BTBD6: variants seen among roughly 807,000 people sequenced by gnomAD.
The protein encoded by BTBD6 is BTB domain containing 6.
Under a neutral mutation model 40.6 loss-of-function variants are expected in BTBD6, and 30 were observed. The ratio of observed to expected loss-of-function variants is 0.74; its 90% confidence interval spans 0.55 to 1.00. The LOEUF (loss-of-function observed/expected upper bound fraction) is 1.00. Among genes scored for constraint, BTBD6 ranks in the 50% least tolerant of loss-of-function variants. The pLI, the probability that BTBD6 is intolerant of heterozygous loss-of-function variation, is 0.00. For missense variants in BTBD6, 698 were observed against 694.6 expected (o/e 1.00, Z -0.06); for synonymous variants, 378 against 308.7 (o/e 1.22, Z -2.35).
chr14:105,249,219 G>A lies in BTBD6; in HGVS notation c.437G>A (p.Gly146Glu), dbSNP rs587673895. The A allele has an allele frequency of 3.8e-6, 6 of 1,587,696 alleles. No homozygotes were observed. The African/African-American group carries it at 8.0e-5, about 21-fold the overall frequency. ...ADVHFVVGPPGATRTVPAHKY... is the reference protein window; with the variant it reads ...ADVHFVVGPPEATRTVPAHKY... Reference sequence around the variant, plus strand: ...GTGCACTTCGTCGTGGGGCCCCCGGGGGCGACCAGGACGGTGCCCGCCCAC... The same window carrying A: ...GTGCACTTCGTCGTGGGGCCCCCGGAGGCGACCAGGACGGTGCCCGCCCAC... Residue 146 changes from glycine (G) to glutamate (E), a missense_variant, in exon 2 of 4, where the codon GGG (glycine) becomes GAG (glutamate). Physicochemically the swap from Gly to Glu is moderately conservative, Grantham distance 98. Coordinates refer to ENST00000392554, the MANE Select transcript of BTBD6 (RefSeq NM_001387567.1).
rs1482322546 is a variant in BTBD6, at chr14:105,249,661, C to A, written c.606C>A (p.Ile202=). Residue 202 remains isoleucine, a synonymous_variant, in exon 4 of 4, where the codon ATC becomes ATA. Coordinates refer to ENST00000392554, the MANE Select transcript of BTBD6 (RefSeq NM_001387567.1). ...CTAGGTACATGTACAGTGATGAGATCGATCTGGAAGCCGACACGGTGCTGG... is the reference window on the plus strand; with the variant it reads ...CTAGGTACATGTACAGTGATGAGATAGATCTGGAAGCCGACACGGTGCTGG... ...ILLKYMYSDE[I]DLEADTVLAT... is the part of the protein sequence containing the mutation. The A allele has an allele frequency of 6.2e-7, 1 of 1,612,368 alleles. No homozygotes were observed. The highest frequency in any genetic ancestry group is 2.2e-5 in the East Asian group (1 of 44,880).
chr14:105,249,292 C>CGTCCG, intron 2 of BTBD6, 45 bp downstream of exon 2: 2 of 1,571,642 alleles, frequency 1.3e-6, no homozygotes, highest in South Asian at 1.1e-5. Context: ...CCGTCCGCCC[C>CGTCCG]GTCCGCCGTG....
chr14:105,250,920 G>C lies in BTBD6; in HGVS notation c.*248G>C. On this transcript the variant is annotated 3_prime_UTR_variant, in exon 4 of 4. Coordinates refer to ENST00000392554, the MANE Select transcript of BTBD6 (RefSeq NM_001387567.1). The stretch of plus-strand genomic sequence containing the variant: ...GATTTACGGCTCAAGACAGGCCCCA[G>C]ATCCCCTCCCAGTGGCACCCATGCC... The C allele has an allele frequency of 1.9e-6, 1 of 515,368 alleles. No homozygotes were observed. Among genetic ancestry groups the C allele is most frequent in the Non-Finnish European group, 3.5e-6 (1 of 281,836 alleles). The allele number at this position is 515,368 out of a possible 1,614,324, so 31.9% of individuals were successfully genotyped here. A position where few individuals can be genotyped will look rare whatever the true frequency, so the allele number is the denominator to read the frequency against.
chr14:105,249,621 C>A lies in BTBD6; in HGVS notation c.585-19C>A. ...GGTGCTTGGGAGCCAGCCCCTGACG[C>A]GGGCCCTGCCTCGCCTAGGTACATG... On this transcript the variant is annotated intron_variant, in intron 3 of 3. Transcript: ENST00000392554. The A allele has an allele frequency of 6.3e-7, 1 of 1,595,234 alleles. No individual in the cohort carries two copies. The highest frequency in any genetic ancestry group is 8.6e-7 in the Non-Finnish European group (1 of 1,169,200).
In BTBD6 at chr14:105,250,526, G is replaced by A. The variant is rs747308975; in HGVS notation, c.1471G>A (p.Gly491Ser). ...CTACACGGCCAGTGCCGTCCTGGAC[G>A]GCAGCGAACTCAGCTACTTTGGGCA... ...TFYTASAVLD[G>S]SELSYFGQEG... The change falls in exon 4 of 4, where the codon GGC (glycine) becomes AGC (serine). Residue 491 changes from glycine (G) to serine (S), a missense_variant. Gly to Ser is a moderately conservative substitution (Grantham distance 56). Coordinates refer to ENST00000392554, the MANE Select transcript of BTBD6 (RefSeq NM_001387567.1). 1.1e-5 allele frequency: 18 copies of A among 1,613,956 alleles called. No individual in the cohort carries two copies. Among genetic ancestry groups the A allele is most frequent in the Non-Finnish European group, 1.4e-5 (16 of 1,180,048 alleles).
chr14:105,250,425 A>C lies in BTBD6; in HGVS notation c.1370A>C (p.Lys457Thr), dbSNP rs765961875. 6.2e-6 allele frequency: 10 copies of C among 1,613,978 alleles called. No individual in the cohort carries two copies. In the East Asian group the frequency reaches 2.2e-4, roughly 36 times the overall value. The change falls in exon 4 of 4, where the codon AAG (lysine) becomes ACG (threonine). Residue 457 changes from lysine to threonine, a missense_variant. Lys to Thr is a moderately conservative substitution (Grantham distance 78, BLOSUM62 -1). Transcript: ENST00000392554. ...LGVVLAQNLT[K>T]FMSDGSSNTF... ...GTGGTTCTGGCTCAGAACTTGACCA[A>C]GTTCATGTCAGACGGATCCAGTAAC... is the stretch of plus-strand genomic sequence containing the variant.
In BTBD6 at chr14:105,250,100, G is replaced by T; in HGVS notation, c.1045G>T (p.Gly349Cys). The change falls in exon 4 of 4, where the codon GGC becomes TGC. Residue 349 changes from glycine (G) to cysteine (C), a missense_variant. Transcript: ENST00000392554. ...PTMTLEEFAN[G>C]AAQSDILTLE... ...CATGACCCTAGAGGAGTTTGCCAAC[G>T]GCGCTGCCCAGTCAGACATCCTGAC... The T allele has an allele frequency of 6.2e-7, 1 of 1,612,976 alleles. No homozygotes were observed. The highest frequency in any genetic ancestry group is 8.5e-7 in the Non-Finnish European group (1 of 1,180,038).
Position 105,248,856 on chromosome 14 carries a change from G to A in BTBD6, c.145G>A (p.Ala49Thr), listed in dbSNP as rs1454974247. The A allele has an allele frequency of 2.0e-6, 2 of 990,176 alleles. No homozygotes were observed. Among genetic ancestry groups the A allele is most frequent in the East Asian group, 1.1e-4 (1 of 9,182 alleles). The allele number at this position is 990,176 out of a possible 1,614,324, so 61.3% of individuals were successfully genotyped here. The stretch of plus-strand genomic sequence containing the variant: ...CACAGGCGCCGAGGCTGCCCCCGCC[G>A]CCCCGCCCGCGAAGATGGCGGCGGA... ...ASTGAEAAPA[A>T]PPAKMAAELY... The change falls in exon 1 of 4, where the codon GCC (alanine) becomes ACC (threonine). Residue 49 changes from alanine to threonine, a missense_variant. Ala to Thr is a moderately conservative substitution (Grantham distance 58). Transcript: ENST00000392554.
rs1407516649 is a variant in BTBD6 at position 105,248,812 on chromosome 14, G to A, written c.101G>A (p.Arg34Lys). 6 of 984,706 alleles carry A rather than the reference G, an allele frequency of 6.1e-6. No individual in the cohort carries two copies. The African/African-American group carries it at 8.8e-5, about 14-fold the overall frequency. 61.0% of individuals were successfully genotyped at this position (984,706 alleles called of 1,614,324 possible). A position where few individuals can be genotyped will look rare whatever the true frequency, so the allele number is the denominator to read the frequency against. ...CTCCCGAGGCCCCGGCGCGGCGCGA[G>A]GGCGCGGGGCGCGGCGTCCACAGGC... is the stretch of plus-strand genomic sequence containing the variant. ...EPLPRPRRGA[R>K]ARGAASTGAE... Residue 34 changes from arginine to lysine, a missense_variant, in exon 1 of 4, where the codon AGG becomes AAG. Transcript: ENST00000392554.
In BTBD6 at chr14:105,249,776, GC is replaced by G. The variant is rs770097146; in HGVS notation, c.723del (p.Cys242AlafsTer15). 1 of 1,613,836 alleles carries G rather than the reference GC, an allele frequency of 6.2e-7. No individual in the cohort carries two copies. Among genetic ancestry groups the G allele is most frequent in the South Asian group, 1.1e-5 (1 of 91,084 alleles). The part of the protein sequence containing the change: ...FLETSLEAKN[A>X]CVLLSQSRLF... ...GGAGACAAGTTTGGAAGCCAAGAAC[GC>G]CTGCGTCCTGCTGTCCCAGAGCCGG... On this transcript the variant is annotated frameshift_variant, in exon 4 of 4. Coordinates refer to ENST00000392554, the MANE Select transcript of BTBD6 (RefSeq NM_001387567.1). LOFTEE classifies it high-confidence loss of function.
At position 105,250,439 on chromosome 14, in the gene BTBD6, G is replaced by A. The variant is rs752495591; in HGVS notation, c.1384G>A (p.Gly462Arg). Reference protein sequence around the residue: ...AQNLTKFMSDGSSNTFPVWFE... With the variant: ...AQNLTKFMSDRSSNTFPVWFE... ...GAACTTGACCAAGTTCATGTCAGACGGATCCAGTAACACCTTCCCGGTCTG... is the reference window on the plus strand; with the variant it reads ...GAACTTGACCAAGTTCATGTCAGACAGATCCAGTAACACCTTCCCGGTCTG... The change falls in exon 4 of 4, where the codon GGA (glycine) becomes AGA (arginine). Residue 462 changes from glycine (G) to arginine (R), a missense_variant. Gly to Arg is a moderately radical substitution (Grantham distance 125, BLOSUM62 -2). Transcript: ENST00000392554. The A allele has an allele frequency of 6.2e-6, 10 of 1,613,992 alleles. No individual in the cohort carries two copies. The highest frequency in any genetic ancestry group is 8.5e-6 in the Non-Finnish European group (10 of 1,180,036).
chr14:105,249,647 T>G lies in BTBD6; in HGVS notation c.592T>G (p.Tyr198Asp). 2 of 1,611,346 alleles carry G rather than the reference T, an allele frequency of 1.2e-6. No individual in the cohort carries two copies. Among genetic ancestry groups the G allele is most frequent in the Middle Eastern group, 1.7e-4 (1 of 6,056 alleles). Residue 198 changes from tyrosine to aspartate, a missense_variant, in exon 4 of 4, where the codon TAC (tyrosine) becomes GAC (aspartate). Tyr to Asp is a radical substitution (Grantham distance 160, BLOSUM62 -3). Transcript: ENST00000392554. Reference protein sequence around the residue: ...AAFLILLKYMYSDEIDLEADT... With the variant: ...AAFLILLKYMDSDEIDLEADT... ...GGGCCCTGCCTCGCCTAGGTACATG[T>G]ACAGTGATGAGATCGATCTGGAAGC...
intron 3 of BTBD6, 66 bp from the exon 4 acceptor site, chr14:105,249,574 T>TCCCAGG: frequency 2.5e-6 from 4 of 1,586,498 alleles, no homozygotes; most frequent in Non-Finnish European, 3.4e-6. Context: ...TGGACTCCTC[T>TCCCAGG]CCCAGGCCCA....
In BTBD6 at chr14:105,250,599, A is replaced by G. The variant is rs1360607066; in HGVS notation, c.1544A>G (p.Gln515Arg). ...VQCGKVAFQF[Q>R]CSSDSTNGTG... The stretch of plus-strand genomic sequence containing the variant: ...TGTGGAAAGGTGGCCTTCCAGTTCC[A>G]GTGCTCCTCGGACAGCACCAACGGG... Residue 515 changes from glutamine (Q) to arginine (R), a missense_variant, in exon 4 of 4, where the codon CAG (glutamine) becomes CGG (arginine). Gln to Arg is a conservative substitution (Grantham distance 43). Transcript: ENST00000392554. The G allele has an allele frequency of 1.2e-6, 2 of 1,614,004 alleles. No individual in the cohort carries two copies. The highest frequency in any genetic ancestry group is 1.3e-5 in the African/African-American group (1 of 74,934).
rs1320424654 is a variant in BTBD6, at chr14:105,251,003, GCTTAA to G, written c.*335_*339del. ...CCTCTTGGATTCTAAGTGGTTCCAAGCTTAACTTGAGACCTTCCCTTCAAATCTAA... is the reference window on the plus strand; with the variant it reads ...CCTCTTGGATTCTAAGTGGTTCCAAGCTTGAGACCTTCCCTTCAAATCTAA... On this transcript the variant is annotated 3_prime_UTR_variant, in exon 4 of 4. Transcript: ENST00000392554. The G allele has an allele frequency of 2.3e-5, 7 of 304,814 alleles. No homozygotes were observed. The highest frequency in any genetic ancestry group is 7.7e-5 in the South Asian group (1 of 12,916). The allele number at this position is 304,814 out of a possible 1,614,324, so 18.9% of individuals were successfully genotyped here. A position where few individuals can be genotyped will look rare whatever the true frequency, so the allele number is the denominator to read the frequency against.
At position 105,249,081 on chromosome 14, in the gene BTBD6, G is replaced by GA; in HGVS notation, c.371dup (p.Arg125GlufsTer55). On this transcript the variant is annotated frameshift_variant, in exon 1 of 4. Coordinates refer to ENST00000392554, the MANE Select transcript of BTBD6 (RefSeq NM_001387567.1). LOFTEE classifies it high-confidence loss of function. ...GCGGTGCTGCCGCCCCACGCTGCGC[G>GA]AGAGGTGAGCCCGTGCCCCGCGGCC... 1 of 1,420,594 alleles carries GA rather than the reference G, an allele frequency of 7.0e-7. No homozygotes were observed. Among genetic ancestry groups the GA allele is most frequent in the Non-Finnish European group, 9.1e-7 (1 of 1,097,736 alleles). 88.0% of individuals were successfully genotyped at this position (1,420,594 alleles called of 1,614,324 possible). A position where few individuals can be genotyped will look rare whatever the true frequency, so the allele number is the denominator to read the frequency against.
rs767993703 is a variant in BTBD6, at chr14:105,250,680, G to A, written c.*8G>A. ...CTCATTTTCTATGCCTGAGGTGCCC[G>A]GGGAGGCTGCAGCAGGTCAGCGAGT... On this transcript the variant is annotated 3_prime_UTR_variant, in exon 4 of 4. Coordinates refer to ENST00000392554, the MANE Select transcript of BTBD6 (RefSeq NM_001387567.1). 149 of 1,598,200 alleles carry A rather than the reference G, an allele frequency of 9.3e-5. No individual in the cohort carries two copies. The highest frequency in any genetic ancestry group is 1.2e-4 in the Non-Finnish European group (139 of 1,169,666).
chr14:105,248,604 G>C lies in BTBD6; in HGVS notation c.-108G>C, dbSNP rs1437574372. 9 of 973,364 alleles carry C rather than the reference G, an allele frequency of 9.2e-6. No individual in the cohort carries two copies. Among genetic ancestry groups the C allele is most frequent in the Non-Finnish European group, 1.1e-5 (9 of 822,540 alleles). 60.3% of individuals were successfully genotyped at this position (973,364 alleles called of 1,614,324 possible). A position where few individuals can be genotyped will look rare whatever the true frequency, so the allele number is the denominator to read the frequency against. ...GGGCGGGCGGGACGGCGCCCCCCGC[G>C]GCCGGGCCTGGCCGGGCTGCGCTAG... On this transcript the variant is annotated 5_prime_UTR_variant, in exon 1 of 4. Transcript: ENST00000392554.
Position 105,250,190 on chromosome 14 carries a change from C to A in BTBD6, c.1135C>A (p.Pro379Thr). Reference protein sequence around the residue: ...TATNKPRLDFPLTKRKGLAPQ... With the variant: ...TATNKPRLDFTLTKRKGLAPQ... The stretch of plus-strand genomic sequence containing the variant: ...CACCAACAAGCCCCGCCTGGACTTT[C>A]CCCTGACCAAGAGGAAGGGCCTCGC... The change falls in exon 4 of 4, where the codon CCC becomes ACC. Residue 379 changes from proline (P) to threonine (T), a missense_variant. By Grantham distance (38) the Pro-to-Thr change is conservative. Coordinates refer to ENST00000392554, the MANE Select transcript of BTBD6 (RefSeq NM_001387567.1). 1 of 1,613,008 alleles carries A rather than the reference C, an allele frequency of 6.2e-7. No individual in the cohort carries two copies.
Sources: allele counts gnomAD v4.1 joint callset, GRCh38; gene constraint gnomAD v4.1.1; transcripts MANE v1.5; gene names NCBI Gene and HGNC (gene_info 2026-07-23, HGNC 2026-07-21).